Variants in OCIAD1 observed in about 807,000 individuals in gnomAD.
OCIAD1 encodes the protein OCIA domain-containing protein 1.
Under a neutral mutation model 38.9 loss-of-function variants are expected in OCIAD1, and 29 were observed. That is an observed-to-expected ratio of 0.74 (90% CI 0.55 to 1.02). OCIAD1 has a LOEUF of 1.02. Ranked by LOEUF, OCIAD1 falls within the 50% of genes least tolerant of loss-of-function variation. The probability of loss-of-function intolerance (pLI) is 0.00; values close to 1 mark genes in which losing one functional copy is unlikely to be tolerated. For missense variants in OCIAD1, 288 were observed against 289.6 expected, an observed-to-expected ratio of 0.99 and a Z score of 0.04; for synonymous variants, 110 against 92.0, an observed-to-expected ratio of 1.20 and a Z score of -1.12.
intron 4 of OCIAD1, among the ~76,000 whole-genome samples, chr4:48,844,018 G>A (rs756033110): frequency 2.0e-5 from 3 of 152,162 alleles, no homozygotes; most frequent in Admixed American, 6.5e-5. Flanking sequence ...AGAGTTGTAG[G>A]TGTTCAAAGA....
At chr4:48,827,011 C>T (rs1213860344), upstream of OCIAD1, among the ~76,000 whole-genome samples, 1 of 152,066 alleles carries the variant, frequency 6.6e-6, no homozygotes, top group Non-Finnish European at 1.5e-5. Context: ...GATTCTTTTC[C>T]TTTGGCTTCT....
In OCIAD1 at chr4:48,860,723, A is replaced by C. The variant is rs1215255299; in HGVS notation, c.701-2A>C. The C allele has an allele frequency of 6.3e-7, 1 of 1,590,876 alleles. No homozygotes were observed. The highest frequency in any genetic ancestry group is 1.7e-5 in the Admixed American group (1 of 59,544). On this transcript the variant is annotated splice_acceptor_variant, in intron 8 of 8. Transcript: ENST00000264312. LOFTEE classifies it high-confidence loss of function. Reference sequence around the variant, plus strand: ...CATCAATTATTTATGCTTTTTTCCTAGTCAAAGTAAACAAGTATGGAGATA... The same window carrying C: ...CATCAATTATTTATGCTTTTTTCCTCGTCAAAGTAAACAAGTATGGAGATA...
chr4:48,846,470 C>T (rs1276374413), intron 4 of OCIAD1, among the ~76,000 whole-genome samples: 3 of 152,104 alleles, frequency 2.0e-5, no homozygotes, highest in Non-Finnish European at 4.4e-5. Context: ...GGTAGTTGGC[C>T]GGGTACGGTG....
rs1267373168 is a variant in OCIAD1, at chr4:48,833,435, AAGG to A, written c.96_98del (p.Arg33del). Reference sequence around the variant, plus strand: ...CTGATTACATTCCAACAGAGGAAGAAAGGAGAGTCTTCGCAGAATGCAATGATG... The same window carrying A: ...CTGATTACATTCCAACAGAGGAAGAAAGAGTCTTCGCAGAATGCAATGATG... On this transcript the variant is annotated inframe_deletion, in exon 3 of 9. Transcript: ENST00000264312. The A allele has an allele frequency of 6.2e-7, 1 of 1,607,448 alleles. No homozygotes were observed. The highest frequency in any genetic ancestry group is 1.7e-5 in the Admixed American group (1 of 59,842).
At chr4:48,837,181 A>T (rs1413087122) in intron 3 of OCIAD1, 2 of 150,268 alleles carry the variant, frequency 1.3e-5, no homozygotes, top group Non-Finnish European at 3.0e-5. Flanking sequence ...CACCGTGTTA[A>T]CCAGGATGGT....
upstream of OCIAD1, among the ~76,000 whole-genome samples, chr4:48,826,137 C>T (rs1220727973): frequency 6.6e-6 from 1 of 151,924 alleles, no homozygotes; most frequent in African/African-American, 2.4e-5. Context: ...TGTGCTTGGC[C>T]TCCCTCCTAT....
intron 1 of OCIAD1, among the ~76,000 whole-genome samples, chr4:48,816,536 G>GAA (rs34578790): frequency 9.0e-5 from 12 of 132,868 alleles, no homozygotes; most frequent in Non-Finnish European, 1.8e-4. Flanking sequence ...CGTCTAAAAG[G>GAA]AAAAAAAAAA....
chr4:48,832,596 TAATATG>T lies in OCIAD1; in HGVS notation c.-5-23_-5-18del. On this transcript the variant is annotated intron_variant, in intron 1 of 8. Coordinates refer to ENST00000264312, the MANE Select transcript of OCIAD1 (RefSeq NM_017830.4). ...CTATCTAGTGATAGTTTCTAATACT[TAATATG>T]TAATGTTTTTGATACAGGAAAGATG... The T allele has an allele frequency of 6.3e-7, 1 of 1,585,986 alleles. No individual in the cohort carries two copies. The highest frequency in any genetic ancestry group is 8.7e-7 in the Non-Finnish European group (1 of 1,154,318).
chr4:48,839,435 C>CAA (rs34347200), intron 3 of OCIAD1, among the ~76,000 whole-genome samples: 63,177 of 118,728 alleles, frequency 0.53, 15,344 homozygotes, highest in South Asian at 0.62. Context: ...GACTTCATCT[C>CAA]AAAAAAAAAA....
chr4:48,856,752 GT>G (rs1479990890), intron 7 of OCIAD1: 1 of 151,832 alleles, frequency 6.6e-6, no homozygotes, highest in Non-Finnish European at 1.5e-5. Flanking sequence ...AGCTGGAGTT[GT>G]TTTCATAGAG....
intron 1 of OCIAD1, among the ~76,000 whole-genome samples, chr4:48,806,817 G>T (rs1777031206): frequency 6.6e-6 from 1 of 152,148 alleles, no homozygotes; most frequent in Non-Finnish European, 1.5e-5. Context: ...TGTCGGCCAG[G>T]ATGGTCTCGA....
At chr4:48,852,076 A>G (rs1035681243) in intron 7 of OCIAD1, 101 bp downstream of exon 7, 8 of 811,086 alleles carry the variant, frequency 9.9e-6, no homozygotes, top group African/African-American at 8.7e-5. Context: ...TGTGTGTTCT[A>G]CCATCAATCA....
At chr4:48,843,344 T>C (rs1342280339) in intron 4 of OCIAD1, among the ~76,000 whole-genome samples, 1 of 152,202 alleles carries the variant, frequency 6.6e-6, no homozygotes, top group East Asian at 1.9e-4. Flanking sequence ...CTTCATGAAC[T>C]ATCTATCTGG....
At chr4:48,859,327 A>G (rs1780393942) in intron 8 of OCIAD1, among the ~76,000 whole-genome samples, 1 of 152,194 alleles carries the variant, frequency 6.6e-6, no homozygotes. Context: ...TTGCTCTGTA[A>G]TATGTAAAGA....
chr4:48,812,032 C>A (rs74716048), intron 1 of OCIAD1, among the ~76,000 whole-genome samples: 151 of 151,526 alleles, frequency 1.0e-3, no homozygotes, highest in East Asian at 6.6e-3. Flanking sequence ...GCCTGTAATC[C>A]CAGCACTTTG....
intron 6 of OCIAD1, among the ~76,000 whole-genome samples, chr4:48,850,428 TA>T (rs1245512576): frequency 4.6e-5 from 7 of 151,932 alleles, no homozygotes; most frequent in Admixed American, 2.0e-4. Flanking sequence ...CCCAGCTAAT[TA>T]AAAAAAAATT....
At chr4:48,859,156 G>T (rs1780371861) in intron 8 of OCIAD1, among the ~76,000 whole-genome samples, 1 of 152,058 alleles carries the variant, frequency 6.6e-6, no homozygotes, top group African/African-American at 2.4e-5. Flanking sequence ...ATCATTAGCG[G>T]TTGCTTCGTT....
Position 48,833,446 on chromosome 4 carries a change from T to C in OCIAD1, c.104T>C (p.Phe35Ser). ...CCAACAGAGGAAGAAAGGAGAGTCT[T>C]CGCAGAATGCAATGATGAAAGCTTC... ...YIPTEEERRV[F>S]AECNDESFWF... Residue 35 changes from phenylalanine to serine, a missense_variant, in exon 3 of 9, where the codon TTC becomes TCC. By Grantham distance (155) the Phe-to-Ser change is radical. Transcript: ENST00000264312. 1 of 1,607,856 alleles carries C rather than the reference T, an allele frequency of 6.2e-7. No individual in the cohort carries two copies.
intron 4 of OCIAD1, among the ~76,000 whole-genome samples, chr4:48,846,130 AG>A (rs1264145252): frequency 2.6e-5 from 4 of 152,156 alleles, no homozygotes; most frequent in Admixed American, 6.5e-5. Flanking sequence ...TCCAGTATGT[AG>A]TACCTTTATG....
Sources: gnomAD v4.1 joint callset for allele counts (sites outside exome capture counted in the v4.1 genomes callset) on GRCh38, gnomAD v4.1.1 for gene constraint, MANE v1.5 for transcripts, NCBI Gene and HGNC (gene_info 2026-07-23, HGNC 2026-07-21) for gene names.